PLCG1: variants seen among roughly 807,000 people sequenced by gnomAD.
PLCG1 encodes the protein phospholipase C gamma 1.
Under a neutral mutation model 177.8 loss-of-function variants are expected in PLCG1, and 71 were observed. That is an observed-to-expected ratio of 0.40 (90% CI 0.33 to 0.49). The LOEUF (loss-of-function observed/expected upper bound fraction) is 0.49, where lower values mean the gene tolerates loss of function less well. PLCG1 is among the 20% of genes least tolerant of loss of function. PLCG1 has a pLI of 0.72. For synonymous variants in PLCG1, 658 were observed against 647.9 expected (o/e 1.02, Z -0.24); for missense variants, 1,281 against 1,709.0 (o/e 0.75, Z 4.42).
In PLCG1 at chr20:41,160,160, A is replaced by T. The variant is rs775349067; in HGVS notation, c.512+7A>T. On this transcript the variant is annotated splice_region_variant and intron_variant, in intron 4 of 31. Transcript: ENST00000685551. This position sits in a 1 kb window ranked among gnomAD's most constrained non-coding sequence, Gnocchi z 5.5. ...ATCGGAATCGTGAGGATCGGTAAGT[A>T]CTGAGCTGTGGCTGTAGCCCAGCAG... 1 of 1,613,596 alleles carries T rather than the reference A, an allele frequency of 6.2e-7. No individual in the cohort carries two copies. The highest frequency in any genetic ancestry group is 8.5e-7 in the Non-Finnish European group (1 of 1,179,642).
At position 41,156,294 on chromosome 20, in the gene PLCG1, C is replaced by T. The variant is rs996198506; in HGVS notation, c.218-3312C>T. Among the ~76,000 whole-genome samples the T allele has an allele frequency of 6.6e-6, 1 of 152,138 alleles. No homozygotes were observed. Among genetic ancestry groups the T allele is most frequent in the East Asian group, 1.9e-4 (1 of 5,188 alleles). On this transcript the variant is annotated intron_variant, in intron 1 of 31. Coordinates refer to ENST00000685551, the MANE Select transcript of PLCG1 (RefSeq NM_002660.3). This position sits in a 1 kb window ranked among gnomAD's most constrained non-coding sequence, Gnocchi z 5.0. ...TGGAATGGTAATGCCCAGGCCATTCCTGAAGCCCAGGCAGCATTCACTGTG... is the reference window on the plus strand; with the variant it reads ...TGGAATGGTAATGCCCAGGCCATTCTTGAAGCCCAGGCAGCATTCACTGTG...
chr20:41,138,696 C>G (rs1211136935), intron 1 of PLCG1, among the ~76,000 whole-genome samples: 2 of 152,124 alleles, frequency 1.3e-5, no homozygotes, highest in African/African-American at 2.4e-5. Flanking sequence ...GTCCTCTGTC[C>G]GGTGGCTTCA....
At position 41,175,956 on chromosome 20, in the gene PLCG1, G is replaced by GTTCT. The variant is rs2146070750; in HGVS notation, c.*1450_*1453dup. ...TCTGAGCAGAGTACATCCTGCCTGGGTTCTTTGTGGCCAGCCAGTTTTGGT... is the reference window on the plus strand; with the variant it reads ...TCTGAGCAGAGTACATCCTGCCTGGGTTCTTTCTTTGTGGCCAGCCAGTTTTGGT... On this transcript the variant is annotated 3_prime_UTR_variant, in exon 32 of 32. Coordinates refer to ENST00000685551, the MANE Select transcript of PLCG1 (RefSeq NM_002660.3). 6.6e-6 allele frequency: 1 copy of GTTCT among 152,328 alleles called. No homozygotes were observed. The highest frequency in any genetic ancestry group is 1.9e-4 in the East Asian group (1 of 5,186). 9.4% of individuals were successfully genotyped at this position (152,328 alleles called of 1,614,324 possible). A position where few individuals can be genotyped will look rare whatever the true frequency, so the allele number is the denominator to read the frequency against.
In PLCG1 at chr20:41,167,571, T is replaced by G. The variant is rs2035742751; in HGVS notation, c.2302-281T>G. On this transcript the variant is annotated intron_variant, in intron 19 of 31. Coordinates refer to ENST00000685551, the MANE Select transcript of PLCG1 (RefSeq NM_002660.3). The surrounding 1 kb of genome is among the most constrained non-coding windows in gnomAD (Gnocchi z 4.4). The stretch of plus-strand genomic sequence containing the variant: ...ATGGGTAGTCTGTGAAGGGCCCACC[T>G]GCACATAGCTCAGAAATACTTGGGA... The G allele has an allele frequency of 8.7e-6, 4 of 458,892 alleles. 1 individual carries two copies. In the South Asian group the frequency reaches 9.9e-5, roughly 11 times the overall value. The allele number at this position is 458,892 out of a possible 1,614,324, so 28.4% of individuals were successfully genotyped here. A position where few individuals can be genotyped will look rare whatever the true frequency, so the allele number is the denominator to read the frequency against.
Position 41,163,535 on chromosome 20 carries a change from A to ACCC in PLCG1, c.891+58_891+60dup. 1.5e-6 allele frequency: 2 copies of ACCC among 1,325,502 alleles called. No homozygotes were observed. Among genetic ancestry groups the ACCC allele is most frequent in the Non-Finnish European group, 2.2e-6 (2 of 921,716 alleles). 82.1% of individuals were successfully genotyped at this position (1,325,502 alleles called of 1,614,324 possible). A position where few individuals can be genotyped will look rare whatever the true frequency, so the allele number is the denominator to read the frequency against. ...AAGAGAATGAGTAGGGGTGACCAGG[A>ACCC]CCCCACCCGGGCTCCAGGAGCTAGA... On this transcript the variant is annotated intron_variant, in intron 9 of 31. Transcript: ENST00000685551. This position sits in a 1 kb window ranked among gnomAD's most constrained non-coding sequence, Gnocchi z 5.2.
chr20:41,174,060 A>G lies in PLCG1; in HGVS notation c.3645+49A>G. ...GCCTGGGGTAGGTGGGAGGAGAGCC[A>G]GGCAGCAGCCTCTAGAAGTGCAGAG... On this transcript the variant is annotated intron_variant, in intron 30 of 31. Coordinates refer to ENST00000685551, the MANE Select transcript of PLCG1 (RefSeq NM_002660.3). The surrounding 1 kb of genome is among the most constrained non-coding windows in gnomAD (Gnocchi z 5.8). 1.2e-6 allele frequency: 2 copies of G among 1,605,736 alleles called. No homozygotes were observed. The highest frequency in any genetic ancestry group is 1.7e-6 in the Non-Finnish European group (2 of 1,172,750).
chr20:41,159,628 G>C lies in PLCG1; in HGVS notation c.240G>C (p.Glu80Asp). The C allele has an allele frequency of 6.2e-7, 1 of 1,614,150 alleles. No homozygotes were observed. The highest frequency in any genetic ancestry group is 8.5e-7 in the Non-Finnish European group (1 of 1,180,026). The change falls in exon 2 of 32, where the codon GAG becomes GAC. Residue 80 changes from glutamate to aspartate, a missense_variant. Physicochemically the swap from Glu to Asp is conservative, Grantham distance 45. Around this residue, in one of 4 missense-constraint regions of PLCG1, gnomAD observed 374 missense variants for 443.8 expected, o/e 0.84. Transcript: ENST00000685551. This position sits in a 1 kb window ranked among gnomAD's most constrained non-coding sequence, Gnocchi z 6.0. Reference protein sequence around the residue: ...EGAIDIREIKEIRPGKTSRDF... With the variant: ...EGAIDIREIKDIRPGKTSRDF... Reference sequence around the variant, plus strand: ...TAGTTGACATTCGTGAAATTAAGGAGATCCGCCCAGGGAAGACCTCACGGG... The same window carrying C: ...TAGTTGACATTCGTGAAATTAAGGACATCCGCCCAGGGAAGACCTCACGGG...
In PLCG1 at chr20:41,158,833, C is replaced by G. The variant is rs373675375; in HGVS notation, c.218-773C>G. ...ACTCAGTCAAGCCCTTTGCTTTACA[C>G]ATGGTAAAACTGAGACTCTGAGAAG... On this transcript the variant is annotated intron_variant, in intron 1 of 31. Transcript: ENST00000685551. 5.1e-4 allele frequency among the ~76,000 whole-genome samples: 77 copies of G among 152,346 alleles called. 1 individual carries two copies. Among genetic ancestry groups the G allele is most frequent in the East Asian group, 4.8e-3 (25 of 5,190 alleles).
chr20:41,168,864 G>C lies in PLCG1; in HGVS notation c.2477G>C (p.Gly826Ala). ...ATCCAGAATGTGGAGAAGCAAGAGG[G>C]AGGCTGGTAAGCCAGTGGTGTGGTA... ...AIIQNVEKQE[G>A]GWWRGDYGGK... Residue 826 changes from glycine (G) to alanine (A), a missense_variant, in exon 21 of 32, where the codon GGA becomes GCA. Physicochemically the swap from Gly to Ala is moderately conservative, Grantham distance 60 (BLOSUM62 0). This residue lies in a region of PLCG1 where 723 missense variants were observed against 1,030.0 expected (regional missense o/e 0.70). Transcript: ENST00000685551. 1 of 1,607,236 alleles carries C rather than the reference G, an allele frequency of 6.2e-7. No individual in the cohort carries two copies. Among genetic ancestry groups the C allele is most frequent in the African/African-American group, 1.3e-5 (1 of 74,840 alleles).
Position 41,167,789 on chromosome 20 carries a change from A to G in PLCG1, c.2302-63A>G. The G allele has an allele frequency of 8.4e-7, 1 of 1,187,036 alleles. No individual in the cohort carries two copies. Among genetic ancestry groups the G allele is most frequent in the Non-Finnish European group, 1.3e-6 (1 of 794,858 alleles). The allele number at this position is 1,187,036 out of a possible 1,614,324, so 73.5% of individuals were successfully genotyped here. On this transcript the variant is annotated intron_variant, in intron 19 of 31. Coordinates refer to ENST00000685551, the MANE Select transcript of PLCG1 (RefSeq NM_002660.3). This position sits in a 1 kb window ranked among gnomAD's most constrained non-coding sequence, Gnocchi z 4.4. The stretch of plus-strand genomic sequence containing the variant: ...GGAAAGGGAAGCTGCTCCAGAAACC[A>G]GTAGCTGCTTTCTACCTCTGGGCTC...
intron 23 of PLCG1, among the ~76,000 whole-genome samples, 164 bp from the exon 24 acceptor site, chr20:41,169,948 G>A (rs1474382743): frequency 2.6e-5 from 4 of 152,198 alleles, no homozygotes; most frequent in East Asian, 3.8e-4. Flanking sequence ...TTGTAGCGTC[G>A]TCATCTGTCA....
At chr20:41,142,361 T>A (rs1433876868) in intron 1 of PLCG1, among the ~76,000 whole-genome samples, 1 of 152,216 alleles carries the variant, frequency 6.6e-6, no homozygotes, top group Non-Finnish European at 1.5e-5. Context: ...TCCAGCAGAT[T>A]ACACTCAGTC....
rs375024463 is a variant in PLCG1, at chr20:41,144,080, G to A, written c.217+6222G>A. 6.6e-6 allele frequency among the ~76,000 whole-genome samples: 1 copy of A among 152,134 alleles called. No homozygotes were observed. ...TGGGGCATCAAAAAACTCTGGAATT[G>A]GAATAGCATATTGGGAGTTCATGGA... On this transcript the variant is annotated intron_variant, in intron 1 of 31. Coordinates refer to ENST00000685551, the MANE Select transcript of PLCG1 (RefSeq NM_002660.3). This position sits in a 1 kb window ranked among gnomAD's most constrained non-coding sequence, Gnocchi z 4.1.
In PLCG1 at chr20:41,167,985, G is replaced by T; in HGVS notation, c.2379+56G>T. The T allele has an allele frequency of 8.4e-7, 1 of 1,197,080 alleles. No homozygotes were observed. The highest frequency in any genetic ancestry group is 1.2e-6 in the Non-Finnish European group (1 of 803,258). 74.2% of individuals were successfully genotyped at this position (1,197,080 alleles called of 1,614,324 possible). Reference sequence around the variant, plus strand: ...TGGGGAGGGTCCCCAGCTGCTTGGGGCTTCATTTCTGTGTTCTGGGCCATC... The same window carrying T: ...TGGGGAGGGTCCCCAGCTGCTTGGGTCTTCATTTCTGTGTTCTGGGCCATC... On this transcript the variant is annotated intron_variant, in intron 20 of 31. Transcript: ENST00000685551. This position sits in a 1 kb window ranked among gnomAD's most constrained non-coding sequence, Gnocchi z 4.4.
rs1328532421 is a variant in PLCG1, at chr20:41,174,545, G to A, written c.*36G>A. On this transcript the variant is annotated 3_prime_UTR_variant, in exon 32 of 32. Transcript: ENST00000685551. The surrounding 1 kb of genome is among the most constrained non-coding windows in gnomAD (Gnocchi z 5.8). ...GCCTCGTTGGAGAGCAGCAGGTGCT[G>A]TGCGCCTTGTAGAATGCCGCGAACT... 1 of 1,560,214 alleles carries A rather than the reference G, an allele frequency of 6.4e-7. No individual in the cohort carries two copies. Among genetic ancestry groups the A allele is most frequent in the East Asian group, 2.4e-5 (1 of 42,090 alleles).
At chr20:41,152,650 C>T in intron 1 of PLCG1, among the ~76,000 whole-genome samples, 1 of 152,252 alleles carries the variant, frequency 6.6e-6, no homozygotes, top group East Asian at 1.9e-4. Flanking sequence ...TACTCCTGCT[C>T]TTAAGTACTC....
chr20:41,152,815 C>T (rs1018355879), intron 1 of PLCG1, among the ~76,000 whole-genome samples: 7 of 152,250 alleles, frequency 4.6e-5, no homozygotes, highest in South Asian at 2.1e-4. Context: ...TGGTGACACA[C>T]AAGAGAGGAG....
Position 41,146,528 on chromosome 20 carries a change from G to A in PLCG1, c.217+8670G>A, listed in dbSNP as rs1019247833. ...AGTGGGTGGTCTTACTGATGTTCTG[G>A]GCCCTGACAGTGAACAGCTGGCCAA... On this transcript the variant is annotated intron_variant, in intron 1 of 31. Coordinates refer to ENST00000685551, the MANE Select transcript of PLCG1 (RefSeq NM_002660.3). This position sits in a 1 kb window ranked among gnomAD's most constrained non-coding sequence, Gnocchi z 6.3. 3.3e-5 allele frequency among the ~76,000 whole-genome samples: 5 copies of A among 152,204 alleles called. No homozygotes were observed. Among genetic ancestry groups the A allele is most frequent in the Non-Finnish European group, 7.3e-5 (5 of 68,038 alleles).
rs1264373966 is a variant in PLCG1 at position 41,159,685 on chromosome 20, C to A, written c.297C>A (p.Phe99Leu). Residue 99 changes from phenylalanine to leucine, a missense_variant, in exon 2 of 32, where the codon TTC (phenylalanine) becomes TTA (leucine). By Grantham distance (22) the Phe-to-Leu change is conservative. This residue lies in a region of PLCG1 where 374 missense variants were observed against 443.8 expected (regional missense o/e 0.84). Coordinates refer to ENST00000685551, the MANE Select transcript of PLCG1 (RefSeq NM_002660.3). This position sits in a 1 kb window ranked among gnomAD's most constrained non-coding sequence, Gnocchi z 6.0. ...DFDRYQEDPA[F>L]RPDQSHCFVI... Reference sequence around the variant, plus strand: ...ATCGCTATCAAGAGGACCCAGCTTTCCGGCCGGACCAGTCACATTGCTTTG... The same window carrying A: ...ATCGCTATCAAGAGGACCCAGCTTTACGGCCGGACCAGTCACATTGCTTTG... The A allele has an allele frequency of 1.2e-6, 2 of 1,614,214 alleles. No homozygotes were observed. The highest frequency in any genetic ancestry group is 1.3e-5 in the African/African-American group (1 of 75,044).
Sources: gnomAD v4.1 joint callset for allele counts (sites outside exome capture counted in the v4.1 genomes callset) on GRCh38, gnomAD v4.1.1 for gene constraint, gnomAD v4.1.1 regional missense constraint, Gnocchi (gnomAD v3.1) non-coding constraint, MANE v1.5 for transcripts, NCBI Gene and HGNC (gene_info 2026-07-23, HGNC 2026-07-21) for gene names.